The following PALM2AKAP2 variants were observed in gnomAD, a reference collection of about 807,000 sequenced individuals.
PALM2AKAP2 encodes PALM2-AKAP2 fusion protein.
A neutral mutation model predicts 71.5 loss-of-function variants in PALM2AKAP2; 37 were observed. The observed-to-expected ratio is 0.52, with a 90% CI of 0.40 to 0.68. The LOEUF is 0.68. Among genes scored for constraint, PALM2AKAP2 ranks in the 30% least tolerant of loss-of-function variants. PALM2AKAP2 has a pLI of 0.00. For synonymous variants in PALM2AKAP2, 468 were observed against 478.8 expected (o/e 0.98, Z 0.29); for missense variants, 1,224 against 1,191.8 (o/e 1.03, Z -0.40).
At chr9:110,006,317 C>T (rs1564256131) in intron 6 of PALM2AKAP2, among the ~76,000 whole-genome samples, 9 of 82,116 alleles carry the variant, frequency 1.1e-4, no homozygotes, top group African/African-American at 4.3e-4. Context: ...CCTTTCCTTC[C>T]TTCCTTCTCT....
At chr9:109,860,865 G>T (rs1829288624) in intron 1 of PALM2AKAP2, among the ~76,000 whole-genome samples, 2 of 152,136 alleles carry the variant, frequency 1.3e-5, no homozygotes, top group Admixed American at 6.6e-5. Flanking sequence ...CTGGCAAAAA[G>T]TCACTTAAAA....
intron 7 of PALM2AKAP2, among the ~76,000 whole-genome samples, chr9:110,029,204 C>T (rs942632301): frequency 7.9e-5 from 12 of 152,274 alleles, no homozygotes; most frequent in African/African-American, 2.9e-4. Context: ...TTTTGAACAA[C>T]AGCAACAACA....
At chr9:110,023,301 G>GTTTTTTTTTTTT (rs1292412365) in intron 7 of PALM2AKAP2, among the ~76,000 whole-genome samples, 3 of 101,412 alleles carry the variant, frequency 3.0e-5, no homozygotes, top group African/African-American at 1.2e-4. Flanking sequence ...TCTCATTGTG[G>GTTTTTTTTTTTT]TTTCTTTTTT....
At chr9:110,085,133 C>T (rs1834539685) in intron 1 of PALM2AKAP2, among the ~76,000 whole-genome samples, 1 of 152,198 alleles carries the variant, frequency 6.6e-6, no homozygotes, top group Admixed American at 6.5e-5. Flanking sequence ...ATTGTACTTA[C>T]TCTTGGGAGG....
intron 1 of PALM2AKAP2, among the ~76,000 whole-genome samples, chr9:110,094,079 A>G (rs531996525): frequency 1.3e-5 from 2 of 152,318 alleles, no homozygotes; most frequent in East Asian, 1.9e-4. Flanking sequence ...CAGCCCCAAC[A>G]AAGAGGCACC....
chr9:110,108,459 A>C (rs1268907916), intron 1 of PALM2AKAP2, among the ~76,000 whole-genome samples: 1 of 152,172 alleles, frequency 6.6e-6, no homozygotes, highest in Non-Finnish European at 1.5e-5. Flanking sequence ...AGAAGATATA[A>C]TAAAATTAAT....
At chr9:109,735,291 C>G (rs1278680543) in intron 1 of PALM2AKAP2, among the ~76,000 whole-genome samples, 2 of 151,026 alleles carry the variant, frequency 1.3e-5, no homozygotes, top group African/African-American at 4.9e-5. Flanking sequence ...TTTGGCCCAC[C>G]ATCTTTTATG....
At position 109,797,610 on chromosome 9, in the gene PALM2AKAP2, C is replaced by G. The variant is rs376555440; in HGVS notation, c.45+17077C>G. ...ACCCACCACATGCACCAGCTTCAAG[C>G]AGCTCTGCAGAAGCCGTCCGTCACC... On this transcript the variant is annotated intron_variant, in intron 1 of 9. Coordinates refer to the PALM2AKAP2 transcript ENST00000302798. Among the ~76,000 whole-genome samples, 24 of 152,332 alleles carry G rather than the reference C, an allele frequency of 1.6e-4. No individual in the cohort carries two copies. In the East Asian group the frequency reaches 4.4e-3, roughly 28 times the overall value.
chr9:109,718,865 T>C (rs77036541), intron 1 of PALM2AKAP2, among the ~76,000 whole-genome samples: 6,447 of 152,286 alleles, frequency 0.042, 186 homozygotes, highest in Non-Finnish European at 0.053. Flanking sequence ...TTTCCAATGG[T>C]GTTTTCCTTT....
intron 6 of PALM2AKAP2, among the ~76,000 whole-genome samples, chr9:109,990,124 T>C (rs1204015402): frequency 6.7e-6 from 1 of 148,838 alleles, no homozygotes; most frequent in Admixed American, 6.9e-5. Context: ...CAGGCTGGAG[T>C]GCAGTGGTAT....
intron 1 of PALM2AKAP2, among the ~76,000 whole-genome samples, chr9:109,704,607 C>T (rs1019579031): frequency 6.6e-6 from 1 of 152,158 alleles, no homozygotes; most frequent in African/African-American, 2.4e-5. Flanking sequence ...CAGAGGGTGG[C>T]CCCTGCTGAC....
chr9:109,951,762 G>A (rs537065673), intron 6 of PALM2AKAP2, among the ~76,000 whole-genome samples: 4 of 152,286 alleles, frequency 2.6e-5, no homozygotes, highest in South Asian at 2.1e-4. Flanking sequence ...CTGGACCGCC[G>A]GTTTGGGTGC....
Position 109,736,258 on chromosome 9 carries a change from G to A in PALM2AKAP2, c.6-44230G>A, listed in dbSNP as rs145061706. ...AAATACATATAATTTGTGAATATAT[G>A]CATGTACGTATAAACACACACTATA... On this transcript the variant is annotated intron_variant, in intron 1 of 6. Transcript: ENST00000374531. Among the ~76,000 whole-genome samples, 738 of 152,286 alleles carry A rather than the reference G, an allele frequency of 4.8e-3. 2 individuals carry two copies. Among genetic ancestry groups the A allele is most frequent in the Non-Finnish European group, 8.6e-3 (585 of 68,030 alleles).
intron 1 of PALM2AKAP2, among the ~76,000 whole-genome samples, chr9:109,655,823 A>G (rs1827296697): frequency 6.6e-6 from 1 of 152,160 alleles, no homozygotes; most frequent in Admixed American, 6.5e-5. Flanking sequence ...ACGTTTTATT[A>G]TTCATTCATC....
chr9:110,150,785 T>G (rs1185066421), intron 2 of PALM2AKAP2, among the ~76,000 whole-genome samples: 6 of 152,242 alleles, frequency 3.9e-5, no homozygotes, highest in Non-Finnish European at 4.4e-5. Context: ...GAACTAGGAT[T>G]TGAACCCAGG....
At chr9:109,957,049 C>T (rs1199518259) in intron 6 of PALM2AKAP2, among the ~76,000 whole-genome samples, 2 of 152,176 alleles carry the variant, frequency 1.3e-5, no homozygotes, top group African/African-American at 4.8e-5. Context: ...TTCCATTGCA[C>T]CAGGTGCCTG....
rs149869021 is a variant in PALM2AKAP2 at position 109,674,284 on chromosome 9, T to G, written c.5+33418T>G. Among the ~76,000 whole-genome samples the G allele has an allele frequency of 1.2e-4, 19 of 152,152 alleles. 1 individual carries two copies. The highest frequency in any genetic ancestry group is 1.2e-3 in the Admixed American group (18 of 15,278). On this transcript the variant is annotated intron_variant, in intron 1 of 6. Coordinates refer to the PALM2AKAP2 transcript ENST00000374531. ...CATACTTAATATAGGTATTCTAAAG[T>G]CCTTATTTGCTAATTTCAATATCTG...
upstream of PALM2AKAP2, among the ~76,000 whole-genome samples, chr9:110,044,196 T>C (rs57146109): frequency 0.011 from 1,635 of 152,274 alleles, 38 homozygotes; most frequent in African/African-American, 0.038. Flanking sequence ...AGGATCCCCC[T>C]GGGCTTGGGA....
In PALM2AKAP2 at chr9:109,875,863, G is replaced by A. The variant is rs751401631; in HGVS notation, c.127-4688G>A. On this transcript the variant is annotated intron_variant, in intron 2 of 9. Coordinates refer to the PALM2AKAP2 transcript ENST00000302798. Reference sequence around the variant, plus strand: ...TAGAGCCAGAAACAGATTTACTTTGGGAGTTCCTTCTGTCCTCCTTTCAGA... The same window carrying A: ...TAGAGCCAGAAACAGATTTACTTTGAGAGTTCCTTCTGTCCTCCTTTCAGA... Among the ~76,000 whole-genome samples the A allele has an allele frequency of 2.2e-4, 33 of 152,130 alleles. 1 individual carries two copies. The highest frequency in any genetic ancestry group is 2.2e-4 in the Non-Finnish European group (15 of 68,026).
Sources: gnomAD v4.1 joint callset for allele counts (sites outside exome capture counted in the v4.1 genomes callset) on GRCh38, gnomAD v4.1.1 for gene constraint, MANE v1.5 for transcripts, NCBI Gene and HGNC (gene_info 2026-07-23, HGNC 2026-07-21) for gene names.